KCNK2: variants seen among roughly 807,000 people sequenced by gnomAD.
The protein encoded by KCNK2 is potassium channel subfamily K member 2.
In KCNK2, 21 loss-of-function variants were observed where a neutral mutation model predicts 40.5. That is an observed-to-expected ratio of 0.52 (90% CI 0.37 to 0.75). KCNK2 has a LOEUF of 0.75. KCNK2 is among the 30% of genes least tolerant of loss of function. The probability of loss-of-function intolerance (pLI) is 0.00; values close to 1 mark genes in which losing one functional copy is unlikely to be tolerated. For synonymous variants in KCNK2, 191 were observed against 202.2 expected (o/e 0.94, Z 0.47); for missense variants, 399 against 531.6 (o/e 0.75, Z 2.45).
chr1:215,172,310 A>C (rs536920400), intron 5 of KCNK2, 127 bp downstream of exon 5: 1 of 799,436 alleles, frequency 1.3e-6, no homozygotes, highest in Admixed American at 2.6e-5. Flanking sequence ...CAAGTACCAT[A>C]AAGTGGGTGG....
chr1:215,084,251 G>A lies in KCNK2; in HGVS notation c.46+820G>A, dbSNP rs569730069. The stretch of plus-strand genomic sequence containing the variant: ...AAATACCTGCCCCTTTCCCCAAAAA[G>A]CATATAATGGCCATGTGGCAATGTC... On this transcript the variant is annotated intron_variant, in intron 1 of 6. Coordinates refer to ENST00000444842, the MANE Select transcript of KCNK2 (RefSeq NM_001017425.3). Among the ~76,000 whole-genome samples the A allele has an allele frequency of 2.2e-4, 33 of 146,864 alleles. No homozygotes were observed. The Admixed American group carries it at 2.2e-3, about 10-fold the overall frequency.
At chr1:215,034,909 T>C (rs1657332451) in intron 1 of KCNK2, among the ~76,000 whole-genome samples, 1 of 152,142 alleles carries the variant, frequency 6.6e-6, no homozygotes, top group South Asian at 2.1e-4. Flanking sequence ...GTATTGATTA[T>C]CCCAGTCCAG....
At chr1:215,009,545 A>G (rs1656303217) in intron 1 of KCNK2, among the ~76,000 whole-genome samples, 1 of 152,060 alleles carries the variant, frequency 6.6e-6, no homozygotes, top group Admixed American at 6.6e-5. Context: ...CCAGAAATTA[A>G]GCAGAGTTGT....
At chr1:215,063,811 A>T (rs1658439674) in intron 1 of KCNK2, among the ~76,000 whole-genome samples, 2 of 152,170 alleles carry the variant, frequency 1.3e-5, no homozygotes, top group African/African-American at 4.8e-5. Context: ...AAGCATTAGA[A>T]CCGGAGGGAT....
chr1:215,080,847 A>G (rs1392909024), upstream of KCNK2, among the ~76,000 whole-genome samples: 1 of 152,218 alleles, frequency 6.6e-6, no homozygotes, highest in Non-Finnish European at 1.5e-5. Flanking sequence ...TACAGTGTTC[A>G]GTTATTTAAT....
intron 3 of KCNK2, among the ~76,000 whole-genome samples, chr1:215,146,635 T>C (rs140412548): frequency 2.7e-4 from 41 of 152,318 alleles, no homozygotes; most frequent in African/African-American, 9.1e-4. Context: ...ATTTGCAGAA[T>C]GGCATGTCCC....
At chr1:215,092,907 G>A (rs72735337) in intron 2 of KCNK2, among the ~76,000 whole-genome samples, 21,936 of 152,118 alleles carry the variant, frequency 0.14, 2,233 homozygotes, top group South Asian at 0.41. Context: ...AAGGGACAGT[G>A]CTGTATTTAA....
At chr1:215,011,372 C>A (rs1454251491) in intron 1 of KCNK2, among the ~76,000 whole-genome samples, 1 of 152,190 alleles carries the variant, frequency 6.6e-6, no homozygotes, top group Non-Finnish European at 1.5e-5. Flanking sequence ...TGGCTCACTG[C>A]ATCCTCGACC....
chr1:215,037,229 CT>C (rs1038093828), intron 1 of KCNK2, among the ~76,000 whole-genome samples: 21 of 151,618 alleles, frequency 1.4e-4, no homozygotes, highest in African/African-American at 4.8e-4. Context: ...AGAGCTTTTT[CT>C]TTGTGATTAA....
chr1:215,081,693 A>G (rs1416814427), upstream of KCNK2: 1 of 152,148 alleles, frequency 6.6e-6, no homozygotes, highest in Non-Finnish European at 1.5e-5. Context: ...TCTAGCAAAC[A>G]GCAGTTGGGA....
At chr1:215,167,238 A>G (rs1261254898) in intron 3 of KCNK2, among the ~76,000 whole-genome samples, 2 of 152,096 alleles carry the variant, frequency 1.3e-5, no homozygotes, top group African/African-American at 4.8e-5. Context: ...ATAAAGCCAC[A>G]AGGAAAATCT....
At chr1:215,125,772 ATAT>A (rs1661401297) in intron 3 of KCNK2, among the ~76,000 whole-genome samples, 5 of 92,422 alleles carry the variant, frequency 5.4e-5, no homozygotes, top group South Asian at 3.4e-4. Flanking sequence ...ATATATATAT[ATAT>A]ATAAAATAAA....
In KCNK2 at chr1:215,165,995, G is replaced by A. The variant is rs138820825; in HGVS notation, c.476-3204G>A. 3.0e-3 allele frequency among the ~76,000 whole-genome samples: 464 copies of A among 152,208 alleles called. 1 individual carries two copies. The highest frequency in any genetic ancestry group is 0.011 in the African/African-American group (444 of 41,548). ...TAATTTTAGGCTCTAACGTAAAATGGTTTTAAACAACATGATGTGTGATTG... is the reference window on the plus strand; with the variant it reads ...TAATTTTAGGCTCTAACGTAAAATGATTTTAAACAACATGATGTGTGATTG... On this transcript the variant is annotated intron_variant, in intron 3 of 6. Coordinates refer to ENST00000444842, the MANE Select transcript of KCNK2 (RefSeq NM_001017425.3).
At chr1:215,226,020 T>C (rs1440965251) in intron 6 of KCNK2, among the ~76,000 whole-genome samples, 1 of 152,242 alleles carries the variant, frequency 6.6e-6, no homozygotes, top group African/African-American at 2.4e-5. Context: ...ATCAATCTTA[T>C]GTACTTCAGG....
At chr1:215,158,953 G>A (rs567427918) in intron 3 of KCNK2, among the ~76,000 whole-genome samples, 2 of 152,162 alleles carry the variant, frequency 1.3e-5, no homozygotes, top group Non-Finnish European at 2.9e-5. Flanking sequence ...ATGGGTTAGA[G>A]GTTGTTGAGT....
chr1:215,086,300 A>G, intron 1 of KCNK2, 68 bp from the exon 2 acceptor site: 1 of 1,328,572 alleles, frequency 7.5e-7, no homozygotes, highest in Non-Finnish European at 1.1e-6. Flanking sequence ...CTGACCCCTT[A>G]AAGAAGAAGC....
intron 1 of KCNK2, among the ~76,000 whole-genome samples, chr1:215,073,917 C>G (rs997103119): frequency 6.6e-6 from 1 of 152,094 alleles, no homozygotes; most frequent in Admixed American, 6.6e-5. Flanking sequence ...GGGATGTAGT[C>G]TCTATCCTGA....
chr1:215,032,742 G>GT (rs1657248903), intron 1 of KCNK2, among the ~76,000 whole-genome samples: 2 of 152,014 alleles, frequency 1.3e-5, no homozygotes, highest in South Asian at 4.1e-4. Context: ...GAAGTTCGAT[G>GT]TAATTATTAT....
At chr1:215,125,427 G>A (rs991665285) in intron 3 of KCNK2, among the ~76,000 whole-genome samples, 6 of 151,946 alleles carry the variant, frequency 3.9e-5, no homozygotes, top group Admixed American at 1.3e-4. Flanking sequence ...CTTCTAAAGC[G>A]GCAGAATGGG....
Sources: gnomAD v4.1 joint callset for allele counts (sites outside exome capture counted in the v4.1 genomes callset) on GRCh38, gnomAD v4.1.1 for gene constraint, MANE v1.5 for transcripts, NCBI Gene and HGNC (gene_info 2026-07-23, HGNC 2026-07-21) for gene names.